The following CADPS variants were observed in gnomAD, a reference collection of about 807,000 sequenced individuals.
The protein encoded by CADPS is calcium dependent secretion activator, also known as calcium-dependent secretion activator 1.
CADPS carries 57 observed loss-of-function variants against 167.3 expected under a neutral mutation model. The observed-to-expected ratio is 0.34, with a 90% CI of 0.28 to 0.42. The LOEUF (loss-of-function observed/expected upper bound fraction) is 0.42, where lower values mean the gene tolerates loss of function less well. CADPS is among the 20% of genes least tolerant of loss of function. The probability of loss-of-function intolerance (pLI) is 1.00; values close to 1 mark genes in which losing one functional copy is unlikely to be tolerated. For synonymous variants in CADPS, 676 were observed against 635.3 expected (o/e 1.06, Z -0.96); for missense variants, 1,414 against 1,738.1 (o/e 0.81, Z 3.32).
At chr3:62,528,658 C>T (rs1294240023) in intron 13 of CADPS, among the ~76,000 whole-genome samples, 3 of 152,112 alleles carry the variant, frequency 2.0e-5, no homozygotes, top group Admixed American at 6.5e-5. Context: ...GGCACAGAAA[C>T]GGGATCTGAT....
intron 10 of CADPS, chr3:62,550,726 C>T: frequency 2.2e-6 from 1 of 449,718 alleles, no homozygotes. Context: ...TCCAATCAGG[C>T]TGCTGCCCCA....
At chr3:62,792,895 G>C (rs2093071755) in intron 1 of CADPS, among the ~76,000 whole-genome samples, 1 of 152,166 alleles carries the variant, frequency 6.6e-6, no homozygotes, top group East Asian at 1.9e-4. Context: ...ACTGCACACA[G>C]CTAACAAATA....
In CADPS at chr3:62,421,467, G is replaced by A. The variant is rs1020393309; in HGVS notation, c.3777+16637C>T. 6.6e-6 allele frequency among the ~76,000 whole-genome samples: 1 copy of A among 152,140 alleles called. No homozygotes were observed. On this transcript the variant is annotated intron_variant, in intron 28 of 29. Coordinates refer to ENST00000383710, the MANE Select transcript of CADPS (RefSeq NM_003716.4). The surrounding 1 kb of genome is among the most constrained non-coding windows in gnomAD (Gnocchi z 4.7). ...GACAGATGTACAAAGGCGGAACTGC[G>A]CCGTGCAGCTTATCCGCATGCACCC...
intron 13 of CADPS, chr3:62,530,829 G>A: frequency 7.9e-7 from 1 of 1,259,786 alleles, no homozygotes; most frequent in South Asian, 1.3e-5. Flanking sequence ...AGAGGGGGTG[G>A]TCGCATGAGG....
intron 1 of CADPS, among the ~76,000 whole-genome samples, chr3:62,847,124 C>A (rs2077588389): frequency 6.6e-6 from 1 of 152,158 alleles, no homozygotes; most frequent in Non-Finnish European, 1.5e-5. Context: ...GTCCTTTTGA[C>A]AGGACGTTAG....
Position 62,399,098 on chromosome 3 carries a change from T to C in CADPS, c.*308A>G. On this transcript the variant is annotated 3_prime_UTR_variant, in exon 30 of 30. Transcript: ENST00000383710. The surrounding 1 kb of genome is among the most constrained non-coding windows in gnomAD (Gnocchi z 5.6). ...CACCAATGCATACATAGTACATGAA[T>C]GAAGCATCATTGATCTTTGCTGATA... The C allele has an allele frequency of 3.7e-6, 1 of 272,590 alleles. No individual in the cohort carries two copies. The highest frequency in any genetic ancestry group is 6.3e-5 in the South Asian group (1 of 15,778). 16.9% of individuals were successfully genotyped at this position (272,590 alleles called of 1,614,324 possible). A position where few individuals can be genotyped will look rare whatever the true frequency, so the allele number is the denominator to read the frequency against.
intron 3 of CADPS, among the ~76,000 whole-genome samples, chr3:62,711,581 T>C (rs2083399893): frequency 6.6e-6 from 1 of 152,244 alleles, no homozygotes; most frequent in Admixed American, 6.5e-5. Context: ...GTGAGAGTGA[T>C]TAGCTTGGCC....
intron 13 of CADPS, chr3:62,530,877 G>A: frequency 2.4e-6 from 2 of 849,712 alleles, no homozygotes; most frequent in Non-Finnish European, 3.0e-6. Context: ...AGAATCAAGA[G>A]CACACGCACA....
At chr3:62,637,569 G>A (rs77936246) in intron 6 of CADPS, among the ~76,000 whole-genome samples, 164 of 152,306 alleles carry the variant, frequency 1.1e-3, no homozygotes, top group African/African-American at 3.6e-3. Flanking sequence ...GCGCCAGCAC[G>A]TTCATCTCCC....
At chr3:62,682,435 T>C (rs2077291061) in intron 3 of CADPS, among the ~76,000 whole-genome samples, 1 of 152,064 alleles carries the variant, frequency 6.6e-6, no homozygotes, top group South Asian at 2.1e-4. Context: ...TGTGTACACC[T>C]TCTGCAAGGA....
chr3:62,745,560 T>C (rs2081279141), intron 3 of CADPS, among the ~76,000 whole-genome samples: 1 of 152,168 alleles, frequency 6.6e-6, no homozygotes, highest in Admixed American at 6.6e-5. Flanking sequence ...AACAGACAGA[T>C]TGAGTGTGGT....
At chr3:62,720,470 T>TAC (rs1313772619) in intron 3 of CADPS, among the ~76,000 whole-genome samples, 2 of 152,094 alleles carry the variant, frequency 1.3e-5, no homozygotes, top group African/African-American at 4.8e-5. Flanking sequence ...TAGCTAGGAC[T>TAC]ACAGACATGC....
intron 26 of CADPS, among the ~76,000 whole-genome samples, chr3:62,447,982 C>G (rs2057472003): frequency 6.6e-6 from 1 of 151,888 alleles, no homozygotes; most frequent in Admixed American, 6.6e-5. Context: ...TTAAGCCACC[C>G]TGCAAAAAGG....
chr3:62,472,654 T>C (rs1052035976), intron 24 of CADPS, among the ~76,000 whole-genome samples: 3 of 152,190 alleles, frequency 2.0e-5, no homozygotes, highest in African/African-American at 7.2e-5. Flanking sequence ...CTGGCCTTCT[T>C]GATTTGCTTT....
At chr3:62,441,505 G>T (rs2056308270) in intron 27 of CADPS, among the ~76,000 whole-genome samples, 1 of 152,122 alleles carries the variant, frequency 6.6e-6, no homozygotes, top group Admixed American at 6.5e-5. Flanking sequence ...CTAAAACAAA[G>T]ACATATGCTT....
In CADPS at chr3:62,567,386, C is replaced by A. The variant is rs833661; in HGVS notation, c.1644+3486G>T. Among the ~76,000 whole-genome samples, 3 of 151,524 alleles carry A rather than the reference C, an allele frequency of 2.0e-5. No individual in the cohort carries two copies. In the South Asian group the frequency reaches 6.3e-4, roughly 32 times the overall value. On this transcript the variant is annotated intron_variant, in intron 9 of 29. Transcript: ENST00000383710. Reference sequence around the variant, plus strand: ...GACACTGGGCTAGGGACTGTGTATGCGTGTGGTGGAGGAAAGAGGGAAAGA... The same window carrying A: ...GACACTGGGCTAGGGACTGTGTATGAGTGTGGTGGAGGAAAGAGGGAAAGA...
chr3:62,767,135 A>G (rs304168), intron 1 of CADPS, among the ~76,000 whole-genome samples: 57,977 of 151,850 alleles, frequency 0.38, 13,189 homozygotes, highest in African/African-American at 0.65. Flanking sequence ...CTTTTAACTT[A>G]AAAAAGTTAA....
intron 3 of CADPS, among the ~76,000 whole-genome samples, chr3:62,717,022 G>A (rs890175665): frequency 6.6e-6 from 1 of 152,094 alleles, no homozygotes; most frequent in Non-Finnish European, 1.5e-5. Context: ...CTTGGTGGCA[G>A]GGCAGTTTTC....
At chr3:62,503,637 T>C (rs553280090) in intron 17 of CADPS, among the ~76,000 whole-genome samples, 1 of 152,348 alleles carries the variant, frequency 6.6e-6, no homozygotes, top group South Asian at 2.1e-4. Context: ...GCTCATTTAA[T>C]TATTTTCAAT....
Sources: gnomAD v4.1 joint callset for allele counts (sites outside exome capture counted in the v4.1 genomes callset) on GRCh38, gnomAD v4.1.1 for gene constraint, Gnocchi (gnomAD v3.1) non-coding constraint, MANE v1.5 for transcripts, NCBI Gene and HGNC (gene_info 2026-07-23, HGNC 2026-07-21) for gene names.